FH: variants seen among roughly 807,000 people sequenced by gnomAD.
FH encodes the protein fumarate hydratase, mitochondrial.
A neutral mutation model predicts 49.4 loss-of-function variants in FH; 22 were observed. That is an observed-to-expected ratio of 0.45 (90% confidence interval 0.32 to 0.64). The LOEUF is 0.64. Ranked by LOEUF, FH falls within the 30% of genes least tolerant of loss-of-function variation. FH has a pLI of 0.05. For missense variants in FH, 526 were observed against 641.5 expected, an observed-to-expected ratio of 0.82 and a Z score of 1.95; for synonymous variants, 208 against 223.0, an observed-to-expected ratio of 0.93 and a Z score of 0.60.
rs200094834 is a variant in FH at position 241,506,163 on chromosome 1, A to C, written c.744T>G (p.Phe248Leu). ...ATTTTACTTGTTGAACATAACCACT[A>C]AATTCCTGAAAAGAAAAGAAAATTA... ...DAVPLTLGQE[F>L]SGYVQQVKYA... Residue 248 changes from phenylalanine to leucine, a missense_variant, in exon 6 of 10, where the codon TTT (phenylalanine) becomes TTG (leucine). By Grantham distance (22) the Phe-to-Leu change is conservative. This residue lies in a region of FH where 383 missense variants were observed against 514.0 expected (regional missense o/e 0.75). Transcript: ENST00000366560. 6.2e-7 allele frequency: 1 copy of C among 1,611,372 alleles called. No homozygotes were observed. Among genetic ancestry groups the C allele is most frequent in the South Asian group, 1.1e-5 (1 of 90,948 alleles).
At chr1:241,519,465 G>T in intron 1 of FH, 126 bp downstream of exon 1, 1 of 1,223,898 alleles carries the variant, frequency 8.2e-7, no homozygotes, top group Non-Finnish European at 1.1e-6. Context: ...CGGGCGCTAA[G>T]CCCAGAGTCT....
intron 8 of FH, 99 bp from the exon 9 acceptor site, chr1:241,500,689 T>C: frequency 6.7e-7 from 1 of 1,500,964 alleles, no homozygotes; most frequent in Admixed American, 1.8e-5. Flanking sequence ...TATTTTCTGG[T>C]TGACAGTAAA....
intron 2 of FH, among the ~76,000 whole-genome samples, 157 bp downstream of exon 2, chr1:241,517,025 T>C (rs1013841579): frequency 1.3e-5 from 2 of 152,332 alleles, no homozygotes; most frequent in African/African-American, 4.8e-5. Context: ...AAAAAGTTCT[T>C]TAACATTTTA....
intron 1 of FH, 110 bp from the exon 2 acceptor site, chr1:241,517,426 G>C: frequency 8.4e-7 from 1 of 1,196,174 alleles, no homozygotes. Flanking sequence ...GTATCACAAA[G>C]ACAAAAAAAT....
At chr1:241,498,743 G>C (rs867697388) in intron 9 of FH, among the ~76,000 whole-genome samples, 1 of 46,416 alleles carries the variant, frequency 2.2e-5, no homozygotes, top group Admixed American at 2.5e-4. Flanking sequence ...ATATATATAT[G>C]TCAAGAAGAA....
Position 241,497,867 on chromosome 1 carries a change from G to A in FH, c.1494C>T (p.Asp498=), listed in dbSNP as rs199949526. The A allele has an allele frequency of 9.9e-6, 16 of 1,612,354 alleles. No homozygotes were observed. The highest frequency in any genetic ancestry group is 1.9e-4 in the Middle Eastern group (1 of 5,162). ...ELGYLTAEQF[D]EWVKPKDMLG... The stretch of plus-strand genomic sequence containing the variant: ...GCATGTCCTTAGGTTTTACCCATTC[G>A]TCAAACTGCTCTGCTGTGAGATAGC... Residue 498 remains aspartate (D), a synonymous_variant, in exon 10 of 10, where the codon GAC becomes GAT. Transcript: ENST00000366560.
At chr1:241,508,467 G>T in intron 5 of FH, 136 bp downstream of exon 5, 1 of 726,676 alleles carries the variant, frequency 1.4e-6, no homozygotes, top group Non-Finnish European at 2.5e-6. Flanking sequence ...ATTACTGATT[G>T]GTTGAACAGA....
chr1:241,499,153 G>C (rs1313837121), intron 9 of FH, among the ~76,000 whole-genome samples: 4 of 152,040 alleles, frequency 2.6e-5, no homozygotes, highest in Non-Finnish European at 5.9e-5. Context: ...AGACACTATT[G>C]GCAACCAGCC....
intron 4 of FH, 160 bp downstream of exon 4, chr1:241,511,807 A>G: frequency 1.5e-6 from 1 of 682,722 alleles, no homozygotes; most frequent in East Asian, 2.7e-5. Flanking sequence ...AAGGATTGAA[A>G]CATAAAACCA....
chr1:241,509,636 C>G (rs985560121), intron 4 of FH, among the ~76,000 whole-genome samples: 5 of 152,154 alleles, frequency 3.3e-5, no homozygotes, highest in African/African-American at 1.2e-4. Flanking sequence ...GTTAGCCAGG[C>G]ATGGCGGTGC....
At chr1:241,519,558 C>A in intron 1 of FH, 33 bp downstream of exon 1, 1 of 1,542,218 alleles carries the variant, frequency 6.5e-7, no homozygotes, top group Non-Finnish European at 8.7e-7. Context: ...AAGGTCACTG[C>A]GGGGAGGCCG....
chr1:241,513,280 G>GT (rs1358101763), intron 3 of FH, among the ~76,000 whole-genome samples: 2 of 151,678 alleles, frequency 1.3e-5, no homozygotes, highest in Non-Finnish European at 2.9e-5. Context: ...TAATCAACTG[G>GT]TTTTAAAAAG....
rs759012809 is a variant in FH, at chr1:241,500,594, TGAGTGAGTGA to T, written c.1237-14_1237-5del. 3.3e-6 allele frequency: 5 copies of T among 1,510,800 alleles called. No individual in the cohort carries two copies. Among genetic ancestry groups the T allele is most frequent in the Non-Finnish European group, 4.4e-6 (5 of 1,123,656 alleles). 93.6% of individuals were successfully genotyped at this position (1,510,800 alleles called of 1,614,324 possible). On this transcript the variant is annotated splice_polypyrimidine_tract_variant and splice_region_variant and intron_variant, in intron 8 of 9. Coordinates refer to ENST00000366560, the MANE Select transcript of FH (RefSeq NM_000143.4). Reference sequence around the variant, plus strand: ...CTGAGTGTAACACATTTTTAATCTTTGAGTGAGTGAGAGAGAGAGAGAGAGAGAGAGAGAG... The same window carrying T: ...CTGAGTGTAACACATTTTTAATCTTTGAGAGAGAGAGAGAGAGAGAGAGAG...
rs1275050742 is a variant in FH, at chr1:241,497,705, T to C, written c.*123A>G. 1.2e-5 allele frequency: 10 copies of C among 811,886 alleles called. No individual in the cohort carries two copies. The South Asian group carries it at 1.5e-4, about 12-fold the overall frequency. 50.3% of individuals were successfully genotyped at this position (811,886 alleles called of 1,614,324 possible). ...CCTAGGGTTTTATATACTGATCAAA[T>C]TGCTCTGCTAGAGATGCTTAAGTTC... On this transcript the variant is annotated 3_prime_UTR_variant, in exon 10 of 10. Transcript: ENST00000366560.
chr1:241,503,252 C>A (rs1659827344), intron 7 of FH, among the ~76,000 whole-genome samples: 1 of 152,160 alleles, frequency 6.6e-6, no homozygotes, highest in Admixed American at 6.5e-5. Context: ...ACCTTTATGT[C>A]ATTCTTCAAC....
At position 241,519,677 on chromosome 1, in the gene FH, G is replaced by A. The variant is rs1324875131; in HGVS notation, c.46C>T (p.Arg16Trp). 2 of 1,547,292 alleles carry A rather than the reference G, an allele frequency of 1.3e-6. No homozygotes were observed. Among genetic ancestry groups the A allele is most frequent in the African/African-American group, 1.4e-5 (1 of 72,912 alleles). The change falls in exon 1 of 10, where the codon CGG (arginine) becomes TGG (tryptophan). Residue 16 changes from arginine to tryptophan, a missense_variant. Arg to Trp is a moderately radical substitution (Grantham distance 101, BLOSUM62 -3). Coordinates refer to ENST00000366560, the MANE Select transcript of FH (RefSeq NM_000143.4). ...GAAGCTAAGGCTGCGGCTGGAGCCC[G>A]CACGAGGGGACGCGAGCGCGCGAGG... Reference protein sequence around the residue: ...RLLARSRPLVRAPAAALASAP... With the variant: ...RLLARSRPLVWAPAAALASAP...
intron 2 of FH, among the ~76,000 whole-genome samples, chr1:241,516,307 C>G (rs1286281651): frequency 6.6e-6 from 1 of 152,158 alleles, no homozygotes; most frequent in Non-Finnish European, 1.5e-5. Context: ...TATATATCCA[C>G]CATGGAATAT....
At chr1:241,511,638 A>G (rs1558400364) in intron 4 of FH, among the ~76,000 whole-genome samples, 1 of 152,182 alleles carries the variant, frequency 6.6e-6, no homozygotes, top group Non-Finnish European at 1.5e-5. Context: ...CCATGGTTAC[A>G]TAAGATGTTA....
At chr1:241,511,482 A>T (rs1229889816) in intron 4 of FH, among the ~76,000 whole-genome samples, 10 of 152,184 alleles carry the variant, frequency 6.6e-5, no homozygotes, top group Admixed American at 6.5e-4. Flanking sequence ...ATGTGACTAA[A>T]TGTAATGTAT....
Sources: allele counts gnomAD v4.1 joint callset (sites outside exome capture counted in the v4.1 genomes callset), GRCh38; gene constraint gnomAD v4.1.1; regional missense constraint gnomAD v4.1.1; transcripts MANE v1.5; gene names NCBI Gene and HGNC (gene_info 2026-07-23, HGNC 2026-07-21).